The following PDCD6 variants were observed in gnomAD, a reference collection of about 807,000 sequenced individuals.
PDCD6 encodes programmed cell death 6.
Under a neutral mutation model 28.3 loss-of-function variants are expected in PDCD6, and 12 were observed. That is an observed-to-expected ratio of 0.42 (90% CI 0.27 to 0.69). PDCD6 has a LOEUF of 0.69. Among genes scored for constraint, PDCD6 ranks in the 30% least tolerant of loss-of-function variants. The pLI, the probability that PDCD6 is intolerant of heterozygous loss-of-function variation, is 0.22. For missense variants in PDCD6, 226 were observed against 269.9 expected (o/e 0.84, Z 1.14); for synonymous variants, 92 against 108.0 (o/e 0.85, Z 0.92).
At chr5:277,932 A>G (rs1340712872) in intron 2 of PDCD6, among the ~76,000 whole-genome samples, 1 of 146,252 alleles carries the variant, frequency 6.8e-6, no homozygotes, top group African/African-American at 2.5e-5. Context: ...AAAAAAAAAG[A>G]ATAGAATAAC....
intron 1 of PDCD6, 46 bp downstream of exon 1, chr5:271,867 G>GCCCCGACCCCTGTCCCGACTC: frequency 8.8e-7 from 1 of 1,134,084 alleles, no homozygotes; most frequent in Non-Finnish European, 1.2e-6. Flanking sequence ...CGCCGCGGCG[G>GCCCCGACCCCTGTCCCGACTC]CCCCGACCCC....
chr5:303,319 G>A (rs1464414734), intron 2 of PDCD6, among the ~76,000 whole-genome samples: 1 of 150,548 alleles, frequency 6.6e-6, no homozygotes, highest in Non-Finnish European at 1.5e-5. Context: ...AAAACTGTGT[G>A]TCTAACACAG....
chr5:296,232 G>T (rs558254686), intron 2 of PDCD6, among the ~76,000 whole-genome samples: 14 of 152,166 alleles, frequency 9.2e-5, no homozygotes, highest in Middle Eastern at 3.4e-3. Flanking sequence ...AGATCTGATC[G>T]GCCACGACAC....
chr5:274,769 T>C (rs12519592), intron 2 of PDCD6, among the ~76,000 whole-genome samples: 56,774 of 151,864 alleles, frequency 0.37, 12,340 homozygotes, highest in South Asian at 0.5. Flanking sequence ...TTTGGGTTCC[T>C]GTATTTTCAC....
chr5:296,563 T>C (rs1326520038), intron 2 of PDCD6, among the ~76,000 whole-genome samples: 3 of 152,130 alleles, frequency 2.0e-5, no homozygotes, highest in Non-Finnish European at 4.4e-5. Flanking sequence ...TGAATGGGTC[T>C]CAGATAGTGT....
intron 2 of PDCD6, chr5:289,177 T>A: frequency 1.1e-6 from 1 of 936,856 alleles, no homozygotes; most frequent in South Asian, 1.8e-5. Context: ...CAAATGTTGT[T>A]GTACTTAAAT....
At chr5:302,192 TGTG>T (rs1740119127) in intron 2 of PDCD6, among the ~76,000 whole-genome samples, 1 of 26,314 alleles carries the variant, frequency 3.8e-5, no homozygotes, top group Non-Finnish European at 2.1e-4. Flanking sequence ...GGAGTGCTGC[TGTG>T]TGTGTGTGTG....
chr5:314,805 T>C lies in PDCD6; in HGVS notation c.*290T>C, dbSNP rs916019915. The C allele has an allele frequency of 1.2e-5, 6 of 487,604 alleles. No homozygotes were observed. The allele number at this position is 487,604 out of a possible 1,614,324, so 30.2% of individuals were successfully genotyped here. ...TGCAAAAAAATCTATCATGTGCTTTTCTAGATGTCTCTGGTTCTATAGTGC... is the reference window on the plus strand; with the variant it reads ...TGCAAAAAAATCTATCATGTGCTTTCCTAGATGTCTCTGGTTCTATAGTGC... On this transcript the variant is annotated 3_prime_UTR_variant, in exon 6 of 6. Transcript: ENST00000264933.
chr5:306,710 A>C lies in PDCD6; in HGVS notation c.317A>C (p.Asn106Thr). ...QNVFRTYDRD[N>T]SGMIDKNELK... ...GTCTTCCGCACGTACGACCGGGACA[A>C]CTCCGGGATGATCGATAAGAACGAG... The change falls in exon 4 of 6, where the codon AAC becomes ACC. Residue 106 changes from asparagine (N) to threonine (T), a missense_variant. This residue lies in a region of PDCD6 where 151 missense variants were observed against 177.2 expected (regional missense o/e 0.85). Coordinates refer to ENST00000264933, the MANE Select transcript of PDCD6 (RefSeq NM_013232.4). 1 of 1,613,832 alleles carries C rather than the reference A, an allele frequency of 6.2e-7. No homozygotes were observed. The highest frequency in any genetic ancestry group is 8.5e-7 in the Non-Finnish European group (1 of 1,180,004).
At chr5:306,504 G>A in intron 3 of PDCD6, 98 bp from the exon 4 acceptor site, 2 of 1,319,272 alleles carry the variant, frequency 1.5e-6, no homozygotes, top group Non-Finnish European at 1.1e-6. Flanking sequence ...TCAGCAGTGG[G>A]GCCCCGCCAG....
At chr5:286,156 T>TC (rs1229202592) in intron 2 of PDCD6, among the ~76,000 whole-genome samples, 1 of 144,844 alleles carries the variant, frequency 6.9e-6, no homozygotes, top group African/African-American at 2.6e-5. Context: ...GAGTTGATGT[T>TC]CCGTTTGAGG....
intron 2 of PDCD6, among the ~76,000 whole-genome samples, chr5:293,181 C>T (rs1561040264): frequency 6.6e-6 from 1 of 152,218 alleles, no homozygotes; most frequent in Non-Finnish European, 1.5e-5. Context: ...CCTGATGGAC[C>T]AGGACAGCGC....
Position 305,785 on chromosome 5 carries a change from G to A in PDCD6, c.209-817G>A, listed in dbSNP as rs1454254175. The A allele has an allele frequency of 1.3e-5, 2 of 152,228 alleles. No homozygotes were observed. Among genetic ancestry groups the A allele is most frequent in the Admixed American group, 1.3e-4 (2 of 15,288 alleles). The allele number at this position is 152,228 out of a possible 1,614,324, so 9.4% of individuals were successfully genotyped here. A position where few individuals can be genotyped will look rare whatever the true frequency, so the allele number is the denominator to read the frequency against. On this transcript the variant is annotated intron_variant, in intron 3 of 5. Transcript: ENST00000264933. The surrounding 1 kb of genome is among the most constrained non-coding windows in gnomAD (Gnocchi z 4.0). Reference sequence around the variant, plus strand: ...AACGGTTGTGTGAAAAACAGCCACTGGTTGCACACAGGGTTGTGGACTGTT... The same window carrying A: ...AACGGTTGTGTGAAAAACAGCCACTAGTTGCACACAGGGTTGTGGACTGTT...
chr5:286,307 G>T (rs1230821723), intron 2 of PDCD6, among the ~76,000 whole-genome samples: 1 of 151,928 alleles, frequency 6.6e-6, no homozygotes, highest in Non-Finnish European at 1.5e-5. Context: ...GCAGTTTGAG[G>T]GCCATGCAGC....
At position 271,693 on chromosome 5, in the gene PDCD6, G is replaced by C. The variant is rs773919450; in HGVS notation, c.-28G>C. 7.3e-6 allele frequency: 10 copies of C among 1,371,880 alleles called. No individual in the cohort carries two copies. Among genetic ancestry groups the C allele is most frequent in the Non-Finnish European group, 1.0e-5 (10 of 997,070 alleles). The allele number at this position is 1,371,880 out of a possible 1,614,324, so 85.0% of individuals were successfully genotyped here. A position where few individuals can be genotyped will look rare whatever the true frequency, so the allele number is the denominator to read the frequency against. ...TGAGAGGTCTCTCGTCGCTGCAGGC[G>C]CCTCAGCCCAGCCGCGTGCCTTGGC... On this transcript the variant is annotated 5_prime_UTR_variant, in exon 1 of 6. Transcript: ENST00000264933.
intron 5 of PDCD6, among the ~76,000 whole-genome samples, chr5:313,363 C>T (rs1310909969): frequency 1.3e-5 from 2 of 152,232 alleles, no homozygotes; most frequent in Admixed American, 6.5e-5. Flanking sequence ...ACCCATTACT[C>T]TTTAAGCCAG....
intron 2 of PDCD6, among the ~76,000 whole-genome samples, chr5:301,692 G>T (rs1402437674): frequency 6.6e-6 from 1 of 151,344 alleles, no homozygotes; most frequent in Non-Finnish European, 1.5e-5. Flanking sequence ...GTGCTGCTGT[G>T]TGTGTGGGCC....
chr5:308,966 G>T lies in PDCD6; in HGVS notation c.367+2206G>T, dbSNP rs185851415. The stretch of plus-strand genomic sequence containing the variant: ...CGGGACAGCTGACTCAGCACGTGCC[G>T]TTTAGGTTGCTGTAAACAGCCGGTG... On this transcript the variant is annotated intron_variant, in intron 4 of 5. Transcript: ENST00000264933. 4.1e-3 allele frequency: 631 copies of T among 155,004 alleles called. 3 individuals carry two copies. The highest frequency in any genetic ancestry group is 0.014 in the African/African-American group (602 of 41,630). The allele number at this position is 155,004 out of a possible 1,614,324, so 9.6% of individuals were successfully genotyped here. A position where few individuals can be genotyped will look rare whatever the true frequency, so the allele number is the denominator to read the frequency against.
chr5:299,771 G>A (rs377655230), intron 2 of PDCD6, among the ~76,000 whole-genome samples: 22 of 152,178 alleles, frequency 1.4e-4, no homozygotes, highest in East Asian at 5.8e-4. Context: ...GGATGGTCTC[G>A]ATCTCCTCAC....
Sources: allele counts gnomAD v4.1 joint callset (sites outside exome capture counted in the v4.1 genomes callset), GRCh38; gene constraint gnomAD v4.1.1; regional missense constraint gnomAD v4.1.1; non-coding constraint Gnocchi (gnomAD v3.1); transcripts MANE v1.5; gene names NCBI Gene and HGNC (gene_info 2026-07-23, HGNC 2026-07-21).